GNAQ: variants seen among roughly 807,000 people sequenced by gnomAD.
GNAQ encodes guanine nucleotide-binding protein G(q) subunit alpha.
Under a neutral mutation model 43.9 loss-of-function variants are expected in GNAQ, and 8 were observed. The observed-to-expected ratio is 0.18, with a 90% CI of 0.11 to 0.33. The LOEUF is 0.33. Ranked by LOEUF, GNAQ falls within the 10% of genes least tolerant of loss-of-function variation. The probability of loss-of-function intolerance (pLI) is 1.00; values close to 1 mark genes in which losing one functional copy is unlikely to be tolerated. For synonymous variants in GNAQ, 155 were observed against 170.7 expected, an observed-to-expected ratio of 0.91 and a Z score of 0.71; for missense variants, 158 against 450.8, an observed-to-expected ratio of 0.35 and a Z score of 5.88.
At chr9:77,727,564 CT>C (rs1825416689) in intron 6 of GNAQ, among the ~76,000 whole-genome samples, 1 of 152,104 alleles carries the variant, frequency 6.6e-6, no homozygotes, top group African/African-American at 2.4e-5. Context: ...GCACAAAGAG[CT>C]TAACACTGGG....
intron 1 of GNAQ, among the ~76,000 whole-genome samples, chr9:77,969,093 G>T (rs4745679): frequency 0.4 from 61,355 of 152,070 alleles, 13,122 homozygotes; most frequent in Admixed American, 0.48. Flanking sequence ...GAGGTTTGCC[G>T]TTGGTCTGCA....
chr9:77,858,023 T>C (rs868796987), intron 2 of GNAQ, among the ~76,000 whole-genome samples: 1 of 152,144 alleles, frequency 6.6e-6, no homozygotes, highest in Non-Finnish European at 1.5e-5. Flanking sequence ...CGTCCATGGA[T>C]GAGAGCAAGT....
At chr9:77,968,153 A>C (rs1242624589) in intron 1 of GNAQ, among the ~76,000 whole-genome samples, 1 of 152,240 alleles carries the variant, frequency 6.6e-6, no homozygotes, top group Non-Finnish European at 1.5e-5. Flanking sequence ...ATACTTAAAA[A>C]AACCACTGAG....
intron 2 of GNAQ, among the ~76,000 whole-genome samples, chr9:77,893,744 A>C (rs192895639): frequency 5.3e-5 from 8 of 152,316 alleles, no homozygotes; most frequent in African/African-American, 1.9e-4. Flanking sequence ...TAGGTCATAC[A>C]AGTACTTATA....
chr9:78,030,930 ACGCGCCCG>A (rs773448805), intron 1 of GNAQ, among the ~76,000 whole-genome samples, 162 bp downstream of exon 1: 159 of 143,948 alleles, frequency 1.1e-3, no homozygotes, highest in East Asian at 2.8e-3. Flanking sequence ...TCTGTGTGTA[ACGCGCCCG>A]CGCGCCCGCG....
intron 1 of GNAQ, among the ~76,000 whole-genome samples, chr9:77,941,283 TCTGTCACCCAGG>T (rs1829311929): frequency 6.6e-6 from 1 of 151,544 alleles, no homozygotes; most frequent in Admixed American, 6.6e-5. Context: ...AGAGTCTCGC[TCTGTCACCCAGG>T]CTGGAGTGCA....
At chr9:77,897,076 G>A (rs770727427) in intron 2 of GNAQ, among the ~76,000 whole-genome samples, 7 of 152,178 alleles carry the variant, frequency 4.6e-5, no homozygotes, top group Non-Finnish European at 7.4e-5. Context: ...CTGCCAACCC[G>A]CCCCTTTGCC....
At chr9:77,915,462 G>A (rs1019799082) in intron 2 of GNAQ, among the ~76,000 whole-genome samples, 1 of 152,046 alleles carries the variant, frequency 6.6e-6, no homozygotes, top group Non-Finnish European at 1.5e-5. Flanking sequence ...TAAAAAGATG[G>A]AAGGTTAGTA....
intron 5 of GNAQ, among the ~76,000 whole-genome samples, chr9:77,740,398 T>C (rs892781951): frequency 6.6e-6 from 1 of 152,200 alleles, no homozygotes; most frequent in Non-Finnish European, 1.5e-5. Flanking sequence ...ATGGTGAGCA[T>C]TTCCATTAAG....
intron 5 of GNAQ, among the ~76,000 whole-genome samples, chr9:77,754,275 C>T (rs1184786639): frequency 6.6e-6 from 1 of 152,162 alleles, no homozygotes; most frequent in Non-Finnish European, 1.5e-5. Flanking sequence ...ATTCTGACTG[C>T]CATTTTAGTG....
chr9:77,797,348 T>C (rs1469489420), intron 4 of GNAQ, among the ~76,000 whole-genome samples, 172 bp downstream of exon 4: 2 of 152,196 alleles, frequency 1.3e-5, no homozygotes, highest in Non-Finnish European at 2.9e-5. Context: ...TACATCTTTC[T>C]GTTATTTCCT....
At chr9:77,767,630 G>C (rs78002716) in intron 5 of GNAQ, among the ~76,000 whole-genome samples, 1 of 152,188 alleles carries the variant, frequency 6.6e-6, no homozygotes, top group Non-Finnish European at 1.5e-5. Context: ...AGTGCAATTC[G>C]ATAAAATGGG....
chr9:77,749,741 C>G (rs1321097145), intron 5 of GNAQ, among the ~76,000 whole-genome samples: 2 of 152,104 alleles, frequency 1.3e-5, no homozygotes, highest in Admixed American at 1.3e-4. Flanking sequence ...CACAGAAACA[C>G]AGACATATAA....
chr9:78,008,616 TTTC>T lies in GNAQ; in HGVS notation c.136+22481_136+22483del, dbSNP rs1410491710. Among the ~76,000 whole-genome samples the T allele has an allele frequency of 1.7e-3, 242 of 144,048 alleles. 1 individual carries two copies. Among genetic ancestry groups the T allele is most frequent in the African/African-American group, 6.4e-3 (221 of 34,500 alleles). The allele number at this position is 144,048 out of a possible 152,430, so 94.5% of individuals were successfully genotyped here. ...TTTCATTTCATTTCATTTCATTTCATTTCATTTTATTTTATTTTTTGAGACGGA... is the reference window on the plus strand; with the variant it reads ...TTTCATTTCATTTCATTTCATTTCATATTTTATTTTATTTTTTGAGACGGA... On this transcript the variant is annotated intron_variant, in intron 1 of 6. Coordinates refer to ENST00000286548, the MANE Select transcript of GNAQ (RefSeq NM_002072.5).
chr9:77,740,940 T>C (rs1450777786), intron 5 of GNAQ, among the ~76,000 whole-genome samples: 1 of 152,354 alleles, frequency 6.6e-6, no homozygotes, highest in East Asian at 1.9e-4. Flanking sequence ...ACTCTGCCCA[T>C]GTACCAGGAA....
rs577894307 is a variant in GNAQ at position 77,992,415 on chromosome 9, T to C, written c.136+38685A>G. Among the ~76,000 whole-genome samples the C allele has an allele frequency of 1.7e-3, 258 of 152,332 alleles. 1 individual carries two copies. The highest frequency in any genetic ancestry group is 3.0e-3 in the Non-Finnish European group (207 of 68,032). On this transcript the variant is annotated intron_variant, in intron 1 of 6. Coordinates refer to ENST00000286548, the MANE Select transcript of GNAQ (RefSeq NM_002072.5). ...GTTATAATGCCTTATATGCAGGATT[T>C]TTATTCTGAAAAGGATGAACACAAA... is the stretch of plus-strand genomic sequence containing the variant.
intron 2 of GNAQ, among the ~76,000 whole-genome samples, chr9:77,838,300 C>A (rs751843545): frequency 6.6e-6 from 1 of 151,618 alleles, no homozygotes; most frequent in Non-Finnish European, 1.5e-5. Context: ...CGCACCACCA[C>A]GCCCAGCTAA....
chr9:77,805,882 G>GAA (rs763245512), intron 3 of GNAQ, among the ~76,000 whole-genome samples: 9 of 152,130 alleles, frequency 5.9e-5, no homozygotes, highest in Non-Finnish European at 1.2e-4. Flanking sequence ...ACCCAATCTA[G>GAA]AAAAGATTTT....
intron 3 of GNAQ, among the ~76,000 whole-genome samples, chr9:77,814,734 T>C (rs1033753479): frequency 5.9e-5 from 9 of 152,180 alleles, no homozygotes; most frequent in African/African-American, 1.9e-4. Flanking sequence ...CACTTTATCA[T>C]ATGAACTGGC....
Sources: gnomAD v4.1 joint callset for allele counts (sites outside exome capture counted in the v4.1 genomes callset) on GRCh38, gnomAD v4.1.1 for gene constraint, MANE v1.5 for transcripts, NCBI Gene and HGNC (gene_info 2026-07-23, HGNC 2026-07-21) for gene names.